DLGAP2: variants seen among roughly 807,000 people sequenced by gnomAD.
DLGAP2 encodes disks large-associated protein 2.
A neutral mutation model predicts 100.3 loss-of-function variants in DLGAP2; 26 were observed. The ratio of observed to expected loss-of-function variants is 0.26; its 90% CI spans 0.19 to 0.36. The LOEUF is 0.36. Among genes scored for constraint, DLGAP2 ranks in the 10% least tolerant of loss-of-function variants. The pLI is 1.00. For missense variants in DLGAP2, 1,858 were observed against 1,453.2 expected, an observed-to-expected ratio of 1.28 and a Z score of -4.53; for synonymous variants, 886 against 630.1, an observed-to-expected ratio of 1.41 and a Z score of -6.08.
At chr8:1,194,097 C>G (rs1465927129) in intron 2 of DLGAP2, among the ~76,000 whole-genome samples, 1 of 152,038 alleles carries the variant, frequency 6.6e-6, no homozygotes, top group Admixed American at 6.6e-5. Flanking sequence ...TATACCAAGT[C>G]CAGTTTTGAC....
chr8:755,800 G>C (rs1216671172), intron 1 of DLGAP2, among the ~76,000 whole-genome samples: 1 of 152,224 alleles, frequency 6.6e-6, no homozygotes, highest in Non-Finnish European at 1.5e-5. Context: ...TTTTGAAAGA[G>C]CAAAGTGCTG....
At chr8:888,611 T>G (rs1040586444) in intron 1 of DLGAP2, among the ~76,000 whole-genome samples, 6 of 152,126 alleles carry the variant, frequency 3.9e-5, no homozygotes, top group Admixed American at 2.0e-4. Context: ...TGCTTTTTTT[T>G]TTTTTCAATA....
intron 2 of DLGAP2, among the ~76,000 whole-genome samples, chr8:1,172,882 G>C (rs1457105108): frequency 2.0e-5 from 3 of 152,210 alleles, no homozygotes; most frequent in Admixed American, 6.5e-5. Flanking sequence ...CTCTCATCTC[G>C]TCAAAGTCAT....
chr8:1,281,396 A>C (rs1799810866), intron 3 of DLGAP2, among the ~76,000 whole-genome samples: 1 of 152,004 alleles, frequency 6.6e-6, no homozygotes, highest in South Asian at 2.1e-4. Context: ...CTAGTCCCTT[A>C]GGCGCCCCCA....
At chr8:1,325,361 G>T (rs912002919) in intron 3 of DLGAP2, among the ~76,000 whole-genome samples, 3 of 152,200 alleles carry the variant, frequency 2.0e-5, no homozygotes, top group Non-Finnish European at 4.4e-5. Context: ...CCATCTGCCT[G>T]CAGGGGGCGT....
intron 1 of DLGAP2, among the ~76,000 whole-genome samples, chr8:794,477 C>CT (rs1316363780): frequency 1.3e-5 from 2 of 152,158 alleles, no homozygotes; most frequent in Non-Finnish European, 2.9e-5. Flanking sequence ...AAAAGTCTCC[C>CT]TTATGAGAAA....
At chr8:1,578,636 T>C (rs2956930) in intron 6 of DLGAP2, among the ~76,000 whole-genome samples, 12 of 152,248 alleles carry the variant, frequency 7.9e-5, no homozygotes, top group Non-Finnish European at 1.6e-4. Context: ...ATCTTCCTGC[T>C]GTAAAACTGA....
intron 2 of DLGAP2, among the ~76,000 whole-genome samples, chr8:1,188,508 C>A (rs865812571): frequency 8.1e-6 from 1 of 122,808 alleles, no homozygotes; most frequent in East Asian, 2.0e-4. Flanking sequence ...GAATCTCACA[C>A]GCCCGGGACC....
chr8:1,296,726 C>A (rs775550323), intron 3 of DLGAP2, among the ~76,000 whole-genome samples: 1 of 152,202 alleles, frequency 6.6e-6, no homozygotes, highest in African/African-American at 2.4e-5. Context: ...GCGTCAAAGG[C>A]TCTTTGGGTT....
At chr8:1,225,725 G>T (rs1390726864) in intron 2 of DLGAP2, among the ~76,000 whole-genome samples, 2 of 152,302 alleles carry the variant, frequency 1.3e-5, no homozygotes, top group Admixed American at 6.5e-5. Flanking sequence ...GGAGCTCTTG[G>T]TCCAAGGACA....
At chr8:908,924 A>G (rs138929929) in intron 2 of DLGAP2, among the ~76,000 whole-genome samples, 5 of 152,340 alleles carry the variant, frequency 3.3e-5, no homozygotes. Flanking sequence ...AATTAGAAGA[A>G]TTTAATTTGT....
intron 1 of DLGAP2, among the ~76,000 whole-genome samples, chr8:873,419 C>T (rs114560280): frequency 0.012 from 1,773 of 152,288 alleles, 32 homozygotes; most frequent in African/African-American, 0.04. Context: ...CTTAGAGAAA[C>T]AGAATTTAGT....
intron 3 of DLGAP2, among the ~76,000 whole-genome samples, chr8:1,302,820 C>G (rs1800390610): frequency 6.6e-6 from 1 of 152,272 alleles, no homozygotes; most frequent in African/African-American, 2.4e-5. Flanking sequence ...CCCAGGAGGC[C>G]CACGCCTGAC....
intron 3 of DLGAP2, among the ~76,000 whole-genome samples, chr8:1,320,146 G>A (rs929941320): frequency 3.9e-5 from 6 of 152,028 alleles, no homozygotes; most frequent in Non-Finnish European, 5.9e-5. Flanking sequence ...TGAAGGGGAC[G>A]GCCTGTGTTC....
At chr8:1,557,279 A>G (rs1801997337) in intron 5 of DLGAP2, among the ~76,000 whole-genome samples, 1 of 152,184 alleles carries the variant, frequency 6.6e-6, no homozygotes, top group African/African-American at 2.4e-5. Flanking sequence ...CAAGCTGTGC[A>G]GCCGGGGGGC....
chr8:1,337,412 TGGTGAG>T (rs1297961451), intron 3 of DLGAP2, among the ~76,000 whole-genome samples: 4 of 60,480 alleles, frequency 6.6e-5, no homozygotes, highest in Non-Finnish European at 1.2e-4. Flanking sequence ...ATGATGGTGA[TGGTGAG>T]GATGATGGTG....
In DLGAP2 at chr8:1,550,504, T is replaced by C. The variant is rs537602560; in HGVS notation, c.1230+821T>C. The stretch of plus-strand genomic sequence containing the variant: ...GACTTGCCCATGTGGGTGTTTTCCA[T>C]GTGAGAGCTGATGGACCGGCCTAAT... On this transcript the variant is annotated intron_variant, in intron 5 of 14. Coordinates refer to ENST00000637795, the MANE Select transcript of DLGAP2 (RefSeq NM_001346810.2). 4.2e-3 allele frequency among the ~76,000 whole-genome samples: 643 copies of C among 152,252 alleles called. 2 individuals are homozygous for C. Among genetic ancestry groups the C allele is most frequent in the South Asian group, 0.012 (56 of 4,822 alleles).
intron 3 of DLGAP2, among the ~76,000 whole-genome samples, chr8:1,488,063 T>C (rs1205440680): frequency 2.0e-5 from 3 of 152,098 alleles, no homozygotes; most frequent in Admixed American, 2.0e-4. Flanking sequence ...AGGTGTTGAG[T>C]TCCTCAGCAG....
chr8:1,326,408 T>A (rs1296467396), intron 3 of DLGAP2, among the ~76,000 whole-genome samples: 2 of 152,178 alleles, frequency 1.3e-5, no homozygotes, highest in African/African-American at 4.8e-5. Context: ...ACTGACTCAC[T>A]GATGAGCAAG....
Sources: gnomAD v4.1 joint callset for allele counts (sites outside exome capture counted in the v4.1 genomes callset) on GRCh38, gnomAD v4.1.1 for gene constraint, MANE v1.5 for transcripts, NCBI Gene and HGNC (gene_info 2026-07-23, HGNC 2026-07-21) for gene names.